Variants in MAGI2 observed in about 807,000 individuals in gnomAD.
MAGI2 encodes membrane associated guanylate kinase, WW and PDZ domain containing 2.
MAGI2 carries 35 observed loss-of-function variants against 133.3 expected under a neutral mutation model. The ratio of observed to expected loss-of-function variants is 0.26; its 90% confidence interval spans 0.20 to 0.35. The LOEUF is 0.35. Ranked by LOEUF, MAGI2 falls within the 10% of genes least tolerant of loss-of-function variation. The pLI is 1.00. For synonymous variants in MAGI2, 729 were observed against 710.6 expected, an observed-to-expected ratio of 1.03 and a Z score of -0.41; for missense variants, 1,636 against 1,863.4, an observed-to-expected ratio of 0.88 and a Z score of 2.25.
At chr7:78,486,956 T>A (rs933310732) in intron 6 of MAGI2, 50 of 525,970 alleles carry the variant, frequency 9.5e-5, no homozygotes, top group African/African-American at 8.1e-4. Context: ...TGGGGCCGGG[T>A]CCATGGCTGG....
intron 3 of MAGI2, among the ~76,000 whole-genome samples, chr7:78,524,060 A>G (rs923632271): frequency 2.6e-5 from 4 of 151,528 alleles, no homozygotes; most frequent in African/African-American, 9.7e-5. Flanking sequence ...GGGAAAAAAA[A>G]AAATCCCAGG....
chr7:78,588,586 G>A (rs1019088273), intron 3 of MAGI2, among the ~76,000 whole-genome samples: 2 of 152,190 alleles, frequency 1.3e-5, no homozygotes, highest in African/African-American at 4.8e-5. Context: ...AGAGAGGACT[G>A]TGGGCTTGGT....
At chr7:78,697,071 T>C (rs1448036791) in intron 2 of MAGI2, among the ~76,000 whole-genome samples, 1 of 152,220 alleles carries the variant, frequency 6.6e-6, no homozygotes, top group Non-Finnish European at 1.5e-5. Flanking sequence ...AAGGTGAAAC[T>C]ATAATTTGCC....
intron 1 of MAGI2, among the ~76,000 whole-genome samples, chr7:79,385,487 A>G (rs535334331): frequency 7.9e-5 from 12 of 152,074 alleles, no homozygotes; most frequent in African/African-American, 2.6e-4. Context: ...TGCATTTAAC[A>G]ATACTTTTAG....
chr7:78,697,288 A>T (rs1357970222), intron 2 of MAGI2, among the ~76,000 whole-genome samples: 2 of 152,042 alleles, frequency 1.3e-5, no homozygotes, highest in Admixed American at 6.5e-5. Flanking sequence ...GTTTATTTGT[A>T]TGGTGGTCTG....
At chr7:79,260,024 T>C (rs751500545) in intron 1 of MAGI2, among the ~76,000 whole-genome samples, 22 of 152,242 alleles carry the variant, frequency 1.4e-4, no homozygotes, top group Non-Finnish European at 2.8e-4. Context: ...ACAATACAAA[T>C]GTATTTAAAC....
chr7:78,782,340 G>A (rs1383532558), intron 2 of MAGI2, among the ~76,000 whole-genome samples: 12 of 152,178 alleles, frequency 7.9e-5, no homozygotes, highest in Admixed American at 3.9e-4. Flanking sequence ...TCCATTCTTC[G>A]CTGTTCTAAC....
intron 2 of MAGI2, among the ~76,000 whole-genome samples, chr7:78,682,323 A>G (rs892863766): frequency 6.6e-6 from 1 of 152,038 alleles, no homozygotes; most frequent in Non-Finnish European, 1.5e-5. Context: ...TGCTGCACCA[A>G]TCGACCCGTC....
At chr7:78,144,962 A>G (rs1258014585) in intron 16 of MAGI2, among the ~76,000 whole-genome samples, 1 of 151,802 alleles carries the variant, frequency 6.6e-6, no homozygotes, top group Non-Finnish European at 1.5e-5. Flanking sequence ...ACTCCCACTT[A>G]TGAGTGAGAA....
At chr7:78,344,803 G>T (rs1423905525) in intron 8 of MAGI2, among the ~76,000 whole-genome samples, 1 of 152,082 alleles carries the variant, frequency 6.6e-6, no homozygotes, top group Non-Finnish European at 1.5e-5. Flanking sequence ...CTGCTAATTT[G>T]TTATATAATA....
intron 1 of MAGI2, among the ~76,000 whole-genome samples, chr7:79,160,386 G>A (rs6948496): frequency 0.15 from 23,308 of 151,942 alleles, 3,796 homozygotes; most frequent in African/African-American, 0.41. Flanking sequence ...GTTACCAAGA[G>A]AGTAGTTGAT....
intron 1 of MAGI2, among the ~76,000 whole-genome samples, chr7:79,433,425 C>G (rs1343557731): frequency 2.0e-5 from 3 of 151,874 alleles, no homozygotes; most frequent in African/African-American, 7.3e-5. Context: ...TGGTGGCAGG[C>G]GCCTGTAGTC....
intron 3 of MAGI2, among the ~76,000 whole-genome samples, chr7:78,602,048 G>A (rs913143790): frequency 1.3e-5 from 2 of 152,148 alleles, no homozygotes; most frequent in Non-Finnish European, 2.9e-5. Flanking sequence ...ACTGTTTTAA[G>A]CATTTCAGAA....
chr7:78,181,887 C>G (rs1382316124), intron 13 of MAGI2, among the ~76,000 whole-genome samples: 1 of 152,196 alleles, frequency 6.6e-6, no homozygotes, highest in African/African-American at 2.4e-5. Context: ...TTTCCTTAGT[C>G]TTGCTTTTGA....
Position 79,299,175 on chromosome 7 carries a change from A to C in MAGI2, c.301+153845T>G, listed in dbSNP as rs77450455. ...TGTGAGCATGGTGGGGAGTGGAAGT[A>C]ATTCTTTAGGATGATGTTGGAAGAC... On this transcript the variant is annotated intron_variant, in intron 1 of 21. Coordinates refer to ENST00000354212, the MANE Select transcript of MAGI2 (RefSeq NM_012301.4). Among the ~76,000 whole-genome samples, 500 of 152,276 alleles carry C rather than the reference A, an allele frequency of 3.3e-3. 2 individuals carry two copies. Among genetic ancestry groups the C allele is most frequent in the African/African-American group, 0.012 (482 of 41,548 alleles).
intron 1 of MAGI2, among the ~76,000 whole-genome samples, chr7:79,200,738 A>T (rs867029628): frequency 3.9e-5 from 6 of 152,068 alleles, no homozygotes; most frequent in Middle Eastern, 3.4e-3. Context: ...TTAAAAAGCC[A>T]ATTGGTAACA....
At chr7:78,675,687 T>C (rs1047711840) in intron 2 of MAGI2, among the ~76,000 whole-genome samples, 12 of 152,120 alleles carry the variant, frequency 7.9e-5, no homozygotes, top group Non-Finnish European at 1.3e-4. Flanking sequence ...GTAATATAAA[T>C]GAAATCTGTT....
intron 21 of MAGI2, among the ~76,000 whole-genome samples, chr7:78,031,755 GAA>G (rs1268127180): frequency 1.3e-5 from 2 of 152,172 alleles, no homozygotes; most frequent in Non-Finnish European, 2.9e-5. Context: ...AGAGATGATG[GAA>G]ACCGATAATA....
intron 1 of MAGI2, among the ~76,000 whole-genome samples, chr7:79,097,138 T>C (rs1310721850): frequency 6.6e-6 from 1 of 152,222 alleles, no homozygotes; most frequent in African/African-American, 2.4e-5. Flanking sequence ...GTTACTGTTT[T>C]CTATGAATTG....
Sources: gnomAD v4.1 joint callset for allele counts (sites outside exome capture counted in the v4.1 genomes callset) on GRCh38, gnomAD v4.1.1 for gene constraint, MANE v1.5 for transcripts, NCBI Gene and HGNC (gene_info 2026-07-23, HGNC 2026-07-21) for gene names.